The following SV2B variants were observed in gnomAD, a reference collection of about 807,000 sequenced individuals.
SV2B encodes the protein synaptic vesicle glycoprotein 2B.
SV2B carries 41 observed loss-of-function variants against 73.9 expected under a neutral mutation model. That is an observed-to-expected ratio of 0.56 (90% CI 0.43 to 0.72). SV2B has a LOEUF of 0.72. SV2B is among the 30% of genes least tolerant of loss of function. SV2B has a pLI of 0.00. For synonymous variants in SV2B, 314 were observed against 314.2 expected (o/e 1.00, Z 0.01); for missense variants, 764 against 857.8 (o/e 0.89, Z 1.37).
chr15:91,267,479 A>G lies in SV2B; in HGVS notation c.1120-76A>G. On this transcript the variant is annotated intron_variant, in intron 7 of 12. Coordinates refer to ENST00000394232, the MANE Select transcript of SV2B (RefSeq NM_001323032.3). This position sits in a 1 kb window ranked among gnomAD's most constrained non-coding sequence, Gnocchi z 4.3. The stretch of plus-strand genomic sequence containing the variant: ...CCTAGGCAACTTATTAGAATATCTG[A>G]GTAATGAGCTCTTCGTGGGAGAAAC... 1 of 1,286,802 alleles carries G rather than the reference A, an allele frequency of 7.8e-7. No individual in the cohort carries two copies. The allele number at this position is 1,286,802 out of a possible 1,614,324, so 79.7% of individuals were successfully genotyped here. A position where few individuals can be genotyped will look rare whatever the true frequency, so the allele number is the denominator to read the frequency against.
intron 1 of SV2B, among the ~76,000 whole-genome samples, chr15:91,178,729 G>A (rs200723246): frequency 3.5e-4 from 52 of 149,684 alleles, no homozygotes; most frequent in African/African-American, 1.0e-3. Flanking sequence ...CTGTGGGATC[G>A]GTGGTGATAT....
rs534547501 is a variant in SV2B, at chr15:91,130,164, C to T, written c.-392+29801C>T. 4.6e-5 allele frequency among the ~76,000 whole-genome samples: 7 copies of T among 152,032 alleles called. No individual in the cohort carries two copies. Among genetic ancestry groups the T allele is most frequent in the Non-Finnish European group, 7.4e-5 (5 of 68,020 alleles). On this transcript the variant is annotated intron_variant, in intron 1 of 12. Coordinates refer to ENST00000394232, the MANE Select transcript of SV2B (RefSeq NM_001323032.3). This position sits in a 1 kb window ranked among gnomAD's most constrained non-coding sequence, Gnocchi z 5.6. Reference sequence around the variant, plus strand: ...GATGATTCTTAATGCTGAGATGAAACGGCTAGGACTTGGCAAGTCTAGGAA... The same window carrying T: ...GATGATTCTTAATGCTGAGATGAAATGGCTAGGACTTGGCAAGTCTAGGAA...
intron 1 of SV2B, among the ~76,000 whole-genome samples, chr15:91,186,485 C>T (rs1228321943): frequency 6.6e-6 from 1 of 152,170 alleles, no homozygotes. Flanking sequence ...CTTGACCTCT[C>T]TGAGATTTGG....
At chr15:91,175,503 C>T (rs1372305182) in intron 1 of SV2B, among the ~76,000 whole-genome samples, 1 of 152,132 alleles carries the variant, frequency 6.6e-6, no homozygotes, top group Non-Finnish European at 1.5e-5. Flanking sequence ...ATCCGCCAGC[C>T]TCAGCCTCCC....
rs1446575270 is a variant in SV2B, at chr15:91,288,467, G to T, written c.1709-1054G>T. On this transcript the variant is annotated intron_variant, in intron 11 of 12. Transcript: ENST00000394232. The surrounding 1 kb of genome is among the most constrained non-coding windows in gnomAD (Gnocchi z 5.8). ...ATACAATACATTGTTAGTAACTGTA[G>T]TCACCGTGCTGTGTAGTAGATCTCG... 6.6e-6 allele frequency among the ~76,000 whole-genome samples: 1 copy of T among 152,078 alleles called. No homozygotes were observed. The highest frequency in any genetic ancestry group is 6.5e-5 in the Admixed American group (1 of 15,272).
chr15:91,266,853 G>T, intron 7 of SV2B, 161 bp downstream of exon 7: 1 of 544,884 alleles, frequency 1.8e-6, no homozygotes, highest in Non-Finnish European at 3.2e-6. Flanking sequence ...GCCCACGTCT[G>T]CCTCTAGCTT....
intron 1 of SV2B, among the ~76,000 whole-genome samples, chr15:91,181,937 A>G (rs1703880331): frequency 6.6e-6 from 1 of 152,158 alleles, no homozygotes; most frequent in Non-Finnish European, 1.5e-5. Context: ...ATAGATAGGT[A>G]GACACATATA....
At chr15:91,173,359 T>G (rs1209013616) in intron 1 of SV2B, among the ~76,000 whole-genome samples, 1 of 152,114 alleles carries the variant, frequency 6.6e-6, no homozygotes, top group Non-Finnish European at 1.5e-5. Context: ...GGAGCTGGGA[T>G]TTGATTCTTG....
rs2047000182 is a variant in SV2B, at chr15:91,241,257, T to C, written c.452-10562T>C. ...TGTCCATGTCCATAATCACAGTCAC[T>C]TTCTGTGCGCATCACCAGCTTCCTT... On this transcript the variant is annotated intron_variant, in intron 2 of 12. Coordinates refer to ENST00000394232, the MANE Select transcript of SV2B (RefSeq NM_001323032.3). The surrounding 1 kb of genome is among the most constrained non-coding windows in gnomAD (Gnocchi z 4.8). Among the ~76,000 whole-genome samples, 1 of 152,198 alleles carries C rather than the reference T, an allele frequency of 6.6e-6. No homozygotes were observed. Among genetic ancestry groups the C allele is most frequent in the African/African-American group, 2.4e-5 (1 of 41,448 alleles).
intron 1 of SV2B, among the ~76,000 whole-genome samples, chr15:91,158,637 TTCTCTTCTCTTCTCTTCTCTTCTC>T (rs1567300380): frequency 0.047 from 1,815 of 38,702 alleles, 314 homozygotes; most frequent in African/African-American, 0.14. Context: ...ATTTTCCCTC[TTCTCTTCTCTTCTCTTCTCTTCTC>T]TTCTCTTCTC....
rs2041863841 is a variant in SV2B at position 91,105,722 on chromosome 15, G to A, written c.-392+5359G>A. ...CAGGGAGATTAGTCAGGATGGTACT[G>A]CAGTGACCCAGGTGAGAGAGGGTGG... On this transcript the variant is annotated intron_variant, in intron 1 of 12. Coordinates refer to ENST00000394232, the MANE Select transcript of SV2B (RefSeq NM_001323032.3). This position sits in a 1 kb window ranked among gnomAD's most constrained non-coding sequence, Gnocchi z 5.5. Among the ~76,000 whole-genome samples, 1 of 152,214 alleles carries A rather than the reference G, an allele frequency of 6.6e-6. No individual in the cohort carries two copies. The highest frequency in any genetic ancestry group is 6.5e-5 in the Admixed American group (1 of 15,284).
Position 91,141,906 on chromosome 15 carries a change from C to T in SV2B, c.-392+41543C>T, listed in dbSNP as rs1425435123. Reference sequence around the variant, plus strand: ...AATTGGCAGTAGAGAACACAGGGTCCCACAGTGGATCCTCAGAGCAAGGAT... The same window carrying T: ...AATTGGCAGTAGAGAACACAGGGTCTCACAGTGGATCCTCAGAGCAAGGAT... On this transcript the variant is annotated intron_variant, in intron 1 of 12. Transcript: ENST00000394232. This position sits in a 1 kb window ranked among gnomAD's most constrained non-coding sequence, Gnocchi z 4.6. Among the ~76,000 whole-genome samples the T allele has an allele frequency of 3.9e-5, 6 of 152,002 alleles. No homozygotes were observed. Among genetic ancestry groups the T allele is most frequent in the Non-Finnish European group, 8.8e-5 (6 of 67,996 alleles).
rs1463404570 is a variant in SV2B, at chr15:91,137,677, T to TATACATATATATTTC, written c.-392+37317_-392+37318insCATATATATTTCATA. ...ATTTCATATATACATATATTTCATA[T>TATACATATATATTTC]ATATATACACACACACACACATTTG... is the stretch of plus-strand genomic sequence containing the variant. On this transcript the variant is annotated intron_variant, in intron 1 of 12. Transcript: ENST00000394232. This position sits in a 1 kb window ranked among gnomAD's most constrained non-coding sequence, Gnocchi z 4.9. Among the ~76,000 whole-genome samples, 586 of 148,190 alleles carry TATACATATATATTTC rather than the reference T, an allele frequency of 4.0e-3. 8 individuals carry two copies. Among genetic ancestry groups the TATACATATATATTTC allele is most frequent in the African/African-American group, 0.014 (563 of 40,126 alleles).
chr15:91,192,695 T>C (rs2045085542), intron 1 of SV2B, among the ~76,000 whole-genome samples: 2 of 152,244 alleles, frequency 1.3e-5, no homozygotes, highest in African/African-American at 4.8e-5. Flanking sequence ...TGACATTTTC[T>C]TTTATTTCAC....
rs1372660195 is a variant in SV2B, at chr15:91,226,441, AAGGCCAAGC to A, written c.187_195del (p.Gln63_Lys65del). On this transcript the variant is annotated inframe_deletion, in exon 2 of 13. Transcript: ENST00000394232. ...GGGTATCCCTCACCCAGATGATGTCAAGGCCAAGCAGGCCAAGATGGCGCCCTCCAGAAT... is the reference window on the plus strand; with the variant it reads ...GGGTATCCCTCACCCAGATGATGTCAAGGCCAAGATGGCGCCCTCCAGAAT... 2 of 1,614,200 alleles carry A rather than the reference AAGGCCAAGC, an allele frequency of 1.2e-6. No individual in the cohort carries two copies. The highest frequency in any genetic ancestry group is 3.3e-5 in the Admixed American group (2 of 60,034).
Position 91,271,005 on chromosome 15 carries a change from A to C in SV2B, c.1373+2400A>C, listed in dbSNP as rs78978731. 8.8e-4 allele frequency among the ~76,000 whole-genome samples: 119 copies of C among 135,012 alleles called. 4 individuals are homozygous for C. The East Asian group carries it at 0.019, about 22-fold the overall frequency. The allele number at this position is 135,012 out of a possible 152,430, so 88.6% of individuals were successfully genotyped here. A position where few individuals can be genotyped will look rare whatever the true frequency, so the allele number is the denominator to read the frequency against. On this transcript the variant is annotated intron_variant, in intron 9 of 12. Transcript: ENST00000394232. ...GACGGTGAGTCCTGTGGATGATGGG[A>C]GGACGGTGAGTCCTGTGGATGATCG...
intron 9 of SV2B, among the ~76,000 whole-genome samples, chr15:91,277,935 T>C (rs558283299): frequency 7.2e-5 from 11 of 152,290 alleles, no homozygotes; most frequent in African/African-American, 2.2e-4. Context: ...GAGTGAAGTA[T>C]CGTGATTTCA....
Position 91,226,105 on chromosome 15 carries a change from A to AGG in SV2B, c.-151_-150dup, listed in dbSNP as rs530516419. On this transcript the variant is annotated 5_prime_UTR_variant, in exon 2 of 13. Transcript: ENST00000394232. ...CAAATCTGGTTGATTTGAGAGATAA[A>AGG]GGGGGGGGGAACCAGTGTGACTTTC... The AGG allele has an allele frequency of 8.0e-4, 533 of 662,150 alleles. 1 individual carries two copies. Among genetic ancestry groups the AGG allele is most frequent in the Non-Finnish European group, 9.9e-4 (397 of 401,242 alleles). The allele number at this position is 662,150 out of a possible 1,614,324, so 41.0% of individuals were successfully genotyped here. A position where few individuals can be genotyped will look rare whatever the true frequency, so the allele number is the denominator to read the frequency against.
intron 1 of SV2B, among the ~76,000 whole-genome samples, chr15:91,183,114 A>G (rs934120542): frequency 6.6e-6 from 1 of 152,352 alleles, no homozygotes; most frequent in Non-Finnish European, 1.5e-5. Flanking sequence ...ATTTGGAGTG[A>G]TTAACATGGG....
Sources: gnomAD v4.1 joint callset for allele counts (sites outside exome capture counted in the v4.1 genomes callset) on GRCh38, gnomAD v4.1.1 for gene constraint, Gnocchi (gnomAD v3.1) non-coding constraint, MANE v1.5 for transcripts, NCBI Gene and HGNC (gene_info 2026-07-23, HGNC 2026-07-21) for gene names.